The following AFF2 variants were observed in gnomAD, a reference collection of about 807,000 sequenced individuals.
The protein encoded by AFF2 is ALF transcription elongation factor 2.
A neutral mutation model predicts 76.9 loss-of-function variants in AFF2; 14 were observed. That is an observed-to-expected ratio of 0.18 (90% CI 0.12 to 0.28). The LOEUF (loss-of-function observed/expected upper bound fraction) is 0.28. Among genes scored for constraint, AFF2 ranks in the 10% least tolerant of loss-of-function variants. The pLI, the probability that AFF2 is intolerant of heterozygous loss-of-function variation, is 1.00. For synonymous variants in AFF2, 398 were observed against 366.7 expected (o/e 1.09, Z -0.98); for missense variants, 868 against 1,001.1 (o/e 0.87, Z 1.79).
At chrX:148,605,714 G>T (rs1285552655) in intron 1 of AFF2, among the ~76,000 whole-genome samples, 1 of 111,828 alleles carries the variant, frequency 8.9e-6, no homozygotes, top group Non-Finnish European at 1.9e-5. Flanking sequence ...AGCATCCAAT[G>T]GTCAAATCAT....
chrX:148,586,979 C>T (rs984993697), intron 1 of AFF2, among the ~76,000 whole-genome samples: 2 of 111,172 alleles, frequency 1.8e-5, no homozygotes, highest in Non-Finnish European at 3.8e-5. Context: ...TATTTTCTTC[C>T]AACAAACATT....
intron 1 of AFF2, among the ~76,000 whole-genome samples, chrX:148,634,156 A>G (rs1231031160): frequency 1.8e-5 from 2 of 111,686 alleles, no homozygotes; most frequent in African/African-American, 3.3e-5. Context: ...TCCTGTTTTC[A>G]TGTTCCCGAT....
intron 3 of AFF2, among the ~76,000 whole-genome samples, chrX:148,742,988 A>AT (rs1189812428): frequency 9.0e-6 from 1 of 111,396 alleles, no homozygotes; most frequent in Non-Finnish European, 1.9e-5. Flanking sequence ...ATTTGCTGCT[A>AT]TTTTGTGTTT....
intron 8 of AFF2, among the ~76,000 whole-genome samples, chrX:148,897,818 A>T (rs1031170158): frequency 2.7e-5 from 3 of 110,761 alleles, no homozygotes; most frequent in Non-Finnish European, 5.7e-5. Flanking sequence ...TTTCAAACCC[A>T]CAAACCCCAG....
chrX:148,547,257 A>G (rs2052932542), intron 1 of AFF2: 1 of 103,701 alleles, frequency 9.6e-6, no homozygotes, highest in Non-Finnish European at 2.0e-5. Context: ...CATTTTGAAC[A>G]TGACGGGAAT....
chrX:148,999,464 G>A lies in AFF2; in HGVS notation c.*8132G>A, dbSNP rs2072648788. 8.9e-6 allele frequency: 1 copy of A among 112,209 alleles called. No individual in the cohort carries two copies. The highest frequency in any genetic ancestry group is 3.2e-5 in the African/African-American group (1 of 30,823). 9.2% of individuals were successfully genotyped at this position (112,209 alleles called of 1,213,427 possible). A position where few individuals can be genotyped will look rare whatever the true frequency, so the allele number is the denominator to read the frequency against. On this transcript the variant is annotated 3_prime_UTR_variant, in exon 21 of 21. Transcript: ENST00000370460. Reference sequence around the variant, plus strand: ...ATAGAAAATATTTATTGAGTAACTGGGACACAAATGGGAATTTAATTGTCA... The same window carrying A: ...ATAGAAAATATTTATTGAGTAACTGAGACACAAATGGGAATTTAATTGTCA...
chrX:148,597,653 G>A (rs782740539), intron 1 of AFF2, among the ~76,000 whole-genome samples: 1 of 111,946 alleles, frequency 8.9e-6, no homozygotes, highest in Non-Finnish European at 1.9e-5. Context: ...GATACAAACA[G>A]AACTACGTTT....
chrX:148,704,809 G>A (rs1008740819), intron 3 of AFF2, among the ~76,000 whole-genome samples: 1 of 109,259 alleles, frequency 9.2e-6, no homozygotes, highest in East Asian at 2.9e-4. Flanking sequence ...TTACAGGTGT[G>A]AGCCACCACA....
At chrX:148,948,367 T>A (rs111909274) in intron 9 of AFF2, among the ~76,000 whole-genome samples, 1,436 of 111,560 alleles carry the variant, frequency 0.013, 22 homozygotes, top group African/African-American at 0.044. Flanking sequence ...ATGTTTCTCA[T>A]AAAGTCCATA....
rs782771203 is a variant in AFF2, at chrX:148,616,518, C to A, written c.48-35481C>A. Among the ~76,000 whole-genome samples the A allele has an allele frequency of 1.2e-4, 13 of 110,679 alleles. No homozygotes were observed. The South Asian group carries it at 4.9e-3, about 42-fold the overall frequency. The stretch of plus-strand genomic sequence containing the variant: ...TTGTGTGTAAGTTGGTATACAATAA[C>A]CAAAAACATTGTTTTCAAAATTTAA... On this transcript the variant is annotated intron_variant, in intron 1 of 20. Coordinates refer to ENST00000370460, the MANE Select transcript of AFF2 (RefSeq NM_002025.4).
At chrX:148,885,841 T>A (rs374104815) in intron 7 of AFF2, 48 bp from the exon 8 acceptor site, 14 of 1,039,983 alleles carry the variant, frequency 1.3e-5, no homozygotes, top group East Asian at 3.0e-5. Context: ...CGAGGATGAT[T>A]TAGAAAATAT....
intron 3 of AFF2, among the ~76,000 whole-genome samples, chrX:148,761,464 TTTG>T (rs1242463887): frequency 0.046 from 4,472 of 96,827 alleles, 312 homozygotes; most frequent in African/African-American, 0.19. Flanking sequence ...TCCAGTTTTT[TTTG>T]TTTTTTTTTT....
intron 8 of AFF2, among the ~76,000 whole-genome samples, chrX:148,901,941 A>G (rs782473671): frequency 1.8e-5 from 2 of 112,052 alleles, no homozygotes; most frequent in African/African-American, 3.2e-5. Context: ...CTGTTGGGAC[A>G]TCAGAATGAT....
At chrX:148,717,151 G>A (rs1166002541) in intron 3 of AFF2, among the ~76,000 whole-genome samples, 1 of 111,610 alleles carries the variant, frequency 9.0e-6, no homozygotes, top group Non-Finnish European at 1.9e-5. Context: ...CCCCAAAGTG[G>A]AAACATCTCA....
chrX:148,804,351 C>A (rs12013129), intron 3 of AFF2, among the ~76,000 whole-genome samples: 3 of 111,968 alleles, frequency 2.7e-5, no homozygotes, highest in Non-Finnish European at 3.8e-5. Flanking sequence ...CTTTCCACTG[C>A]CCCTTGGAGC....
intron 2 of AFF2, among the ~76,000 whole-genome samples, chrX:148,654,008 A>G (rs1203967933): frequency 1.8e-5 from 2 of 111,723 alleles, no homozygotes; most frequent in Non-Finnish European, 3.8e-5. Flanking sequence ...ATTGTCTTAT[A>G]GGTATCAGTG....
intron 3 of AFF2, among the ~76,000 whole-genome samples, chrX:148,663,546 A>G (rs1207528719): frequency 2.7e-5 from 3 of 112,511 alleles, no homozygotes; most frequent in African/African-American, 9.7e-5. Flanking sequence ...ATTGGATTCC[A>G]GGCCTTGTGG....
intron 9 of AFF2, among the ~76,000 whole-genome samples, chrX:148,926,679 G>A (rs1164782194): frequency 1.8e-5 from 2 of 112,038 alleles, no homozygotes; most frequent in Non-Finnish European, 3.8e-5. Flanking sequence ...CATCTTGCTG[G>A]TGTTCACAGC....
chrX:148,510,916 G>A (rs1339825462), intron 1 of AFF2, among the ~76,000 whole-genome samples: 2 of 112,261 alleles, frequency 1.8e-5, no homozygotes, highest in African/African-American at 6.5e-5. Flanking sequence ...AGCTCAAGAG[G>A]TGTAAGAATG....
Sources: gnomAD v4.1 joint callset for allele counts (sites outside exome capture counted in the v4.1 genomes callset) on GRCh38, gnomAD v4.1.1 for gene constraint, MANE v1.5 for transcripts, NCBI Gene and HGNC (gene_info 2026-07-23, HGNC 2026-07-21) for gene names.